The following SAC3D1 variants were observed in gnomAD, a reference collection of about 807,000 sequenced individuals.
SAC3D1 encodes SAC3 domain containing 1.
In SAC3D1, 10 loss-of-function variants were observed where a neutral mutation model predicts 12.7. The observed-to-expected ratio is 0.79, with a 90% CI of 0.49 to 1.34. SAC3D1 has a LOEUF of 1.34. Among genes scored for constraint, SAC3D1 ranks in the 40% most tolerant of loss-of-function variants. The pLI, the probability that SAC3D1 is intolerant of heterozygous loss-of-function variation, is 0.00. For synonymous variants in SAC3D1, 241 were observed against 250.8 expected (o/e 0.96, Z 0.37); for missense variants, 482 against 531.1 (o/e 0.91, Z 0.91).
In SAC3D1 at chr11:65,044,636, T is replaced by C; in HGVS notation, c.986T>C (p.Val329Ala). The change falls in exon 2 of 2, where the codon GTG becomes GCG. Residue 329 changes from valine (V) to alanine (A), a missense_variant. Physicochemically the swap from Val to Ala is moderately conservative, Grantham distance 64. Around this residue, in one of 3 missense-constraint regions of SAC3D1, gnomAD observed 225 missense variants for 241.1 expected, o/e 0.93. Transcript: ENST00000652489. This position sits in a 1 kb window ranked among gnomAD's most constrained non-coding sequence, Gnocchi z 4.0. ...CCTGCCAGTACGTGCAAGGTGTTAG[T>C]GGAGAGCAAACTTCGAGGACGTACC... is the stretch of plus-strand genomic sequence containing the variant. ...LPPASTCKVLVESKLRGRTLE... is the reference protein window; with the variant it reads ...LPPASTCKVLAESKLRGRTLE... 1 of 1,613,842 alleles carries C rather than the reference T, an allele frequency of 6.2e-7. No homozygotes were observed. Among genetic ancestry groups the C allele is most frequent in the Non-Finnish European group, 8.5e-7 (1 of 1,179,988 alleles).
rs1454021256 is a variant in SAC3D1 at position 65,041,685 on chromosome 11, C to T, written c.393C>T (p.Ala131=). ...CTGTGGTGCTGGAGGCGGCGCTGGC[C>T]ACGCTGCTGACCGTAGTGGCGCGGC... The part of the protein sequence containing the change: ...EAAVVLEAAL[A]TLLTVVARLG... The change falls in exon 1 of 2, where the codon GCC becomes GCT. Residue 131 remains alanine, a synonymous_variant. Transcript: ENST00000652489. 2 of 1,380,056 alleles carry T rather than the reference C, an allele frequency of 1.4e-6. No homozygotes were observed. The highest frequency in any genetic ancestry group is 6.2e-5 in the East Asian group (2 of 32,322). 85.5% of individuals were successfully genotyped at this position (1,380,056 alleles called of 1,614,324 possible). A position where few individuals can be genotyped will look rare whatever the true frequency, so the allele number is the denominator to read the frequency against.
At chr11:65,043,011 A>T (rs1462927991) in intron 1 of SAC3D1, 1 of 431,590 alleles carries the variant, frequency 2.3e-6, no homozygotes, top group African/African-American at 2.0e-5. Context: ...AACTTAAAAA[A>T]ATTTTTTTTG....
upstream of SAC3D1, chr11:65,041,199 G>A (rs778123105): frequency 1.7e-6 from 2 of 1,186,708 alleles, no homozygotes; most frequent in African/African-American, 2.4e-5. Flanking sequence ...GCCCCGACCC[G>A]CCGCTCCCCA....
rs1028844159 is a variant in SAC3D1, at chr11:65,044,813, A to G, written c.*86A>G. ...CCATGGTTTCCAGGTAATAAAAGGAACTTGTTTTGTTGGTACCAGTCACTA... is the reference window on the plus strand; with the variant it reads ...CCATGGTTTCCAGGTAATAAAAGGAGCTTGTTTTGTTGGTACCAGTCACTA... On this transcript the variant is annotated 3_prime_UTR_variant, in exon 2 of 2. Transcript: ENST00000652489. The surrounding 1 kb of genome is among the most constrained non-coding windows in gnomAD (Gnocchi z 4.0). The G allele has an allele frequency of 2.1e-6, 3 of 1,433,152 alleles. No individual in the cohort carries two copies. Among genetic ancestry groups the G allele is most frequent in the African/African-American group, 1.4e-5 (1 of 70,070 alleles). 88.8% of individuals were successfully genotyped at this position (1,433,152 alleles called of 1,614,324 possible). A position where few individuals can be genotyped will look rare whatever the true frequency, so the allele number is the denominator to read the frequency against.
chr11:65,044,428 C>T lies in SAC3D1; in HGVS notation c.778C>T (p.Arg260Cys), dbSNP rs193165731. Reference sequence around the variant, plus strand: ...CCATGCCCGCCGGGAAGCCCTGGCCCGCTTCGCTCGTGCCTTTAGCACCCC... The same window carrying T: ...CCATGCCCGCCGGGAAGCCCTGGCCTGCTTCGCTCGTGCCTTTAGCACCCC... ...VGHARREALA[R>C]FARAFSTPKG... The change falls in exon 2 of 2, where the codon CGC (arginine) becomes TGC (cysteine). Residue 260 changes from arginine to cysteine, a missense_variant. Physicochemically the swap from Arg to Cys is radical, Grantham distance 180. Transcript: ENST00000652489. This position sits in a 1 kb window ranked among gnomAD's most constrained non-coding sequence, Gnocchi z 4.0. The T allele has an allele frequency of 9.7e-3, 15,639 of 1,613,812 alleles. 104 individuals carry two copies. The highest frequency in any genetic ancestry group is 0.018 in the South Asian group (1,681 of 91,082).
At chr11:65,041,964 A>G (rs1946614194) in intron 1 of SAC3D1, 98 bp downstream of exon 1, 3 of 1,269,076 alleles carry the variant, frequency 2.4e-6, no homozygotes, top group African/African-American at 3.1e-5. Flanking sequence ...ACATCTCACC[A>G]TTAGCCCCCT....
chr11:65,044,056 T>C lies in SAC3D1; in HGVS notation c.575-169T>C, dbSNP rs978599660. On this transcript the variant is annotated intron_variant, in intron 1 of 1. Coordinates refer to ENST00000652489, the MANE Select transcript of SAC3D1 (RefSeq NM_013299.4). This position sits in a 1 kb window ranked among gnomAD's most constrained non-coding sequence, Gnocchi z 4.0. ...GAGCCTGAGGCCACTCATTCAAATA[T>C]AGGTTGGGGAAGGAGCCAAAGGCTG... Among the ~76,000 whole-genome samples, 3 of 152,156 alleles carry C rather than the reference T, an allele frequency of 2.0e-5. No individual in the cohort carries two copies. The highest frequency in any genetic ancestry group is 6.5e-5 in the Admixed American group (1 of 15,284).
In SAC3D1 at chr11:65,041,255, G is replaced by A. The variant is rs755070223; in HGVS notation, c.-38G>A. 5,347 of 1,483,414 alleles carry A rather than the reference G, an allele frequency of 3.6e-3. 13 individuals are homozygous for A. The highest frequency in any genetic ancestry group is 4.5e-3 in the Non-Finnish European group (5,052 of 1,124,466). 91.9% of individuals were successfully genotyped at this position (1,483,414 alleles called of 1,614,324 possible). ...GCCTTCCCGCAGCACTGCCGTCCCC[G>A]GGATGCTGAGCGCCCACCGTCTCCC... On this transcript the variant is annotated 5_prime_UTR_variant, in exon 1 of 2. Coordinates refer to ENST00000652489, the MANE Select transcript of SAC3D1 (RefSeq NM_013299.4).
rs1225029259 is a variant in SAC3D1, at chr11:65,041,622, G to T, written c.330G>T (p.Leu110=). Reference sequence around the variant, plus strand: ...CAGACCGCTTGCGAGCTGTGCTCCTGGACCTGGCGCTGCAGGGAGCGGGCG... The same window carrying T: ...CAGACCGCTTGCGAGCTGTGCTCCTTGACCTGGCGCTGCAGGGAGCGGGCG... ...FVADRLRAVL[L]DLALQGAGDA... Residue 110 remains leucine, a synonymous_variant, in exon 1 of 2, where the codon CTG becomes CTT. Transcript: ENST00000652489. The T allele has an allele frequency of 6.8e-7, 1 of 1,460,858 alleles. No individual in the cohort carries two copies. The highest frequency in any genetic ancestry group is 9.0e-7 in the Non-Finnish European group (1 of 1,110,788). The allele number at this position is 1,460,858 out of a possible 1,614,324, so 90.5% of individuals were successfully genotyped here.
Position 65,044,605 on chromosome 11 carries a change from C to A in SAC3D1, c.955C>A (p.Leu319Ile). ...GAGGGGTCGCTACGTGGAGGAAGGGCTACCGCCTGCCAGTACGTGCAAGGT... is the reference window on the plus strand; with the variant it reads ...GAGGGGTCGCTACGTGGAGGAAGGGATACCGCCTGCCAGTACGTGCAAGGT... ...FLRGRYVEEG[L>I]PPASTCKVLV... The change falls in exon 2 of 2, where the codon CTA becomes ATA. Residue 319 changes from leucine (L) to isoleucine (I), a missense_variant. This residue lies in a region of SAC3D1 where 225 missense variants were observed against 241.1 expected (regional missense o/e 0.93). Transcript: ENST00000652489. The surrounding 1 kb of genome is among the most constrained non-coding windows in gnomAD (Gnocchi z 4.0). 2 of 1,614,038 alleles carry A rather than the reference C, an allele frequency of 1.2e-6. No individual in the cohort carries two copies. The highest frequency in any genetic ancestry group is 1.7e-5 in the Admixed American group (1 of 60,026).
chr11:65,043,883 G>A (rs906068871), intron 1 of SAC3D1, among the ~76,000 whole-genome samples: 3 of 152,132 alleles, frequency 2.0e-5, no homozygotes, highest in South Asian at 2.1e-4. Flanking sequence ...ATCCAAGTCC[G>A]AAAACTTGGA....
chr11:65,044,817 G>A lies in SAC3D1; in HGVS notation c.*90G>A. The A allele has an allele frequency of 7.2e-7, 1 of 1,379,578 alleles. No homozygotes were observed. The highest frequency in any genetic ancestry group is 1.4e-5 in the South Asian group (1 of 70,808). 85.5% of individuals were successfully genotyped at this position (1,379,578 alleles called of 1,614,324 possible). ...GGTTTCCAGGTAATAAAAGGAACTTGTTTTGTTGGTACCAGTCACTAGATG... is the reference window on the plus strand; with the variant it reads ...GGTTTCCAGGTAATAAAAGGAACTTATTTTGTTGGTACCAGTCACTAGATG... On this transcript the variant is annotated 3_prime_UTR_variant, in exon 2 of 2. Transcript: ENST00000652489. This position sits in a 1 kb window ranked among gnomAD's most constrained non-coding sequence, Gnocchi z 4.0.
upstream of SAC3D1, chr11:65,041,064 C>T: frequency 1.7e-6 from 1 of 587,998 alleles, no homozygotes; most frequent in Non-Finnish European, 2.9e-6. Flanking sequence ...CGTAGCTGGA[C>T]TACAACGCAG....
intron 1 of SAC3D1, among the ~76,000 whole-genome samples, chr11:65,042,771 A>G (rs1946632317): frequency 6.6e-6 from 1 of 151,392 alleles, no homozygotes; most frequent in Non-Finnish European, 1.5e-5. Context: ...CGAACTCCTG[A>G]CCTCAAAATG....
At chr11:65,043,073 C>T in intron 1 of SAC3D1, 2 of 447,336 alleles carry the variant, frequency 4.5e-6, no homozygotes, top group Non-Finnish European at 9.0e-6. Flanking sequence ...TCAAGTGATC[C>T]TCCTGCCCCA....
rs1432570614 is a variant in SAC3D1 at position 65,041,664 on chromosome 11, G to A, written c.372G>A (p.Val124=). 2 of 1,414,168 alleles carry A rather than the reference G, an allele frequency of 1.4e-6. No homozygotes were observed. The highest frequency in any genetic ancestry group is 1.8e-6 in the Non-Finnish European group (2 of 1,086,722). 87.6% of individuals were successfully genotyped at this position (1,414,168 alleles called of 1,614,324 possible). Residue 124 remains valine (V), a synonymous_variant, in exon 1 of 2, where the codon GTG becomes GTA. Transcript: ENST00000652489. The stretch of plus-strand genomic sequence containing the variant: ...GAGCGGGCGACGCCGAGGCAGCTGT[G>A]GTGCTGGAGGCGGCGCTGGCCACGC... The part of the protein sequence containing the change: ...LQGAGDAEAA[V]VLEAALATLL...
In SAC3D1 at chr11:65,044,275, G is replaced by A. The variant is rs951844217; in HGVS notation, c.625G>A (p.Ala209Thr). 1.9e-6 allele frequency: 3 copies of A among 1,613,166 alleles called. No homozygotes were observed. Among genetic ancestry groups the A allele is most frequent in the Non-Finnish European group, 2.5e-6 (3 of 1,180,002 alleles). ...EVLQLPAALR[A>T]CPPLRKALAV... is the part of the protein sequence containing the mutation. Reference sequence around the variant, plus strand: ...TCTACAGCTGCCTGCTGCCCTGCGCGCCTGCCCGCCCCTCCGCAAGGCCTT... The same window carrying A: ...TCTACAGCTGCCTGCTGCCCTGCGCACCTGCCCGCCCCTCCGCAAGGCCTT... Residue 209 changes from alanine (A) to threonine (T), a missense_variant, in exon 2 of 2, where the codon GCC (alanine) becomes ACC (threonine). Around this residue, in one of 3 missense-constraint regions of SAC3D1, gnomAD observed 225 missense variants for 241.1 expected, o/e 0.93. Transcript: ENST00000652489. The surrounding 1 kb of genome is among the most constrained non-coding windows in gnomAD (Gnocchi z 4.0).
intron 1 of SAC3D1, chr11:65,043,124 T>A (rs1366638570): frequency 2.3e-6 from 1 of 432,282 alleles, no homozygotes; most frequent in Admixed American, 2.6e-5. Flanking sequence ...GCCCAGTGAA[T>A]GGTTTATTTT....
At position 65,041,474 on chromosome 11, in the gene SAC3D1, A is replaced by G. The variant is rs1946597413; in HGVS notation, c.182A>G (p.Lys61Arg). 6.8e-7 allele frequency: 1 copy of G among 1,476,758 alleles called. No homozygotes were observed. The highest frequency in any genetic ancestry group is 8.9e-7 in the Non-Finnish European group (1 of 1,120,300). 91.5% of individuals were successfully genotyped at this position (1,476,758 alleles called of 1,614,324 possible). A position where few individuals can be genotyped will look rare whatever the true frequency, so the allele number is the denominator to read the frequency against. ...GAGTACAGCCGACCCGCCGCCGGCAAGCCCCGGCCCCCGCCCAGCCAGTTG... is the reference window on the plus strand; with the variant it reads ...GAGTACAGCCGACCCGCCGCCGGCAGGCCCCGGCCCCCGCCCAGCCAGTTG... ...VKEYSRPAAG[K>R]PRPPPSQLRP... The change falls in exon 1 of 2, where the codon AAG becomes AGG. Residue 61 changes from lysine (K) to arginine (R), a missense_variant. By Grantham distance (26) the Lys-to-Arg change is conservative. Around this residue, in one of 3 missense-constraint regions of SAC3D1, gnomAD observed 197 missense variants for 183.2 expected, o/e 1.08. Transcript: ENST00000652489.
Sources: gnomAD v4.1 joint callset for allele counts (sites outside exome capture counted in the v4.1 genomes callset) on GRCh38, gnomAD v4.1.1 for gene constraint, gnomAD v4.1.1 regional missense constraint, Gnocchi (gnomAD v3.1) non-coding constraint, MANE v1.5 for transcripts, NCBI Gene and HGNC (gene_info 2026-07-23, HGNC 2026-07-21) for gene names.